The following SLC36A1 variants were observed in gnomAD, a reference collection of about 807,000 sequenced individuals.
The protein encoded by SLC36A1 is solute carrier family 36 member 1.
In SLC36A1, 30 loss-of-function variants were observed where a neutral mutation model predicts 47.5. That is an observed-to-expected ratio of 0.63 (90% confidence interval 0.47 to 0.86). SLC36A1 has a LOEUF of 0.86. Ranked by LOEUF, SLC36A1 falls within the 40% of genes least tolerant of loss-of-function variation. The pLI is 0.00. For synonymous variants in SLC36A1, 255 were observed against 249.7 expected, an observed-to-expected ratio of 1.02 and a Z score of -0.20; for missense variants, 517 against 606.0, an observed-to-expected ratio of 0.85 and a Z score of 1.54.
the SLC36A1 span, among the ~76,000 whole-genome samples, chr5:151,361,194 A>T: frequency 6.6e-6 from 1 of 152,186 alleles, no homozygotes; most frequent in Non-Finnish European, 1.5e-5. Context: ...TAGCACTGAC[A>T]ATACTTTCCA....
chr5:151,521,673 G>A, the SLC36A1 span: 13 of 1,613,960 alleles, frequency 8.1e-6, no homozygotes, highest in Middle Eastern at 1.6e-4. Context: ...CCAGCTCCTC[G>A]GGGGTGAGCT....
intron 7 of SLC36A1, among the ~76,000 whole-genome samples, chr5:151,471,135 C>G (rs1015692268): frequency 1.3e-5 from 2 of 152,160 alleles, no homozygotes; most frequent in African/African-American, 4.8e-5. Context: ...AACTGCAATA[C>G]ATTAAATGTA....
At chr5:151,526,983 A>C in the SLC36A1 span, among the ~76,000 whole-genome samples, 1 of 152,244 alleles carries the variant, frequency 6.6e-6, no homozygotes, top group African/African-American at 2.4e-5. Context: ...CTAAATCTGT[A>C]AAATGGGTAC....
chr5:151,530,486 T>C, the SLC36A1 span, among the ~76,000 whole-genome samples: 3 of 152,176 alleles, frequency 2.0e-5, no homozygotes, highest in Non-Finnish European at 4.4e-5. Flanking sequence ...GACTCAACTG[T>C]TTCATTAAAT....
the SLC36A1 span, among the ~76,000 whole-genome samples, chr5:151,365,365 T>C: frequency 5.9e-5 from 9 of 152,206 alleles, no homozygotes; most frequent in Admixed American, 4.6e-4. Flanking sequence ...AGGTGCCCAG[T>C]AATTGCAAAC....
the SLC36A1 span, among the ~76,000 whole-genome samples, chr5:151,506,638 C>G: frequency 0.15 from 22,505 of 152,236 alleles, 2,009 homozygotes; most frequent in Non-Finnish European, 0.21. Flanking sequence ...CCGTATTTGA[C>G]ACATAGTGAA....
chr5:151,379,947 G>A, the SLC36A1 span, among the ~76,000 whole-genome samples: 8 of 151,378 alleles, frequency 5.3e-5, no homozygotes, highest in Admixed American at 2.6e-4. Flanking sequence ...GTCTCTAATC[G>A]ATAATCTAAA....
At chr5:151,487,839 C>A in intron 10 of SLC36A1, 144 bp from the exon 11 acceptor site, 1 of 996,548 alleles carries the variant, frequency 1.0e-6, no homozygotes, top group Non-Finnish European at 1.5e-6. Context: ...ATCTATTTCA[C>A]AGAGATTGAA....
the SLC36A1 span, among the ~76,000 whole-genome samples, chr5:151,403,673 C>T: frequency 3.3e-5 from 5 of 152,204 alleles, no homozygotes; most frequent in Non-Finnish European, 5.9e-5. Context: ...TGGGCTAATA[C>T]ATTACCCAAA....
At chr5:151,464,866 C>T (rs1239803925) in intron 4 of SLC36A1, among the ~76,000 whole-genome samples, 4 of 152,168 alleles carry the variant, frequency 2.6e-5, no homozygotes, top group Non-Finnish European at 4.4e-5. Flanking sequence ...TGAAATGATT[C>T]TACCAGATGG....
At chr5:151,407,993 C>T in the SLC36A1 span, among the ~76,000 whole-genome samples, 7 of 152,148 alleles carry the variant, frequency 4.6e-5, no homozygotes, top group African/African-American at 7.2e-5. Context: ...GCTTTAAATG[C>T]GCTGTTTACT....
intron 10 of SLC36A1, among the ~76,000 whole-genome samples, chr5:151,487,118 AG>A (rs1198212368): frequency 6.6e-6 from 1 of 152,236 alleles, no homozygotes; most frequent in Non-Finnish European, 1.5e-5. Flanking sequence ...CTAGTTCCAG[AG>A]CCCACAGGCC....
intron 7 of SLC36A1, among the ~76,000 whole-genome samples, chr5:151,473,026 C>T (rs897146730): frequency 8.5e-5 from 13 of 152,138 alleles, no homozygotes; most frequent in Admixed American, 3.3e-4. Flanking sequence ...AAAAAATAGC[C>T]GAGTGTGGTG....
the SLC36A1 span, among the ~76,000 whole-genome samples, chr5:151,352,491 A>C: frequency 5.9e-5 from 9 of 152,338 alleles, no homozygotes; most frequent in East Asian, 1.5e-3. Flanking sequence ...CTGCTCTAAC[A>C]AATTGCCATA....
chr5:151,368,499 T>C, the SLC36A1 span, among the ~76,000 whole-genome samples: 1 of 152,252 alleles, frequency 6.6e-6, no homozygotes, highest in Non-Finnish European at 1.5e-5. Context: ...TCTGATCTCC[T>C]GTGCCACCAT....
At position 151,488,513 on chromosome 5, in the gene SLC36A1, T is replaced by C. The variant is rs1191555069; in HGVS notation, c.*259T>C. 1 of 496,214 alleles carries C rather than the reference T, an allele frequency of 2.0e-6. No homozygotes were observed. 30.7% of individuals were successfully genotyped at this position (496,214 alleles called of 1,614,324 possible). A position where few individuals can be genotyped will look rare whatever the true frequency, so the allele number is the denominator to read the frequency against. ...CTATTTACACCCAGAACTTTCCAGCTCCCCCTCATCATGCCTCCTCCTTCC... is the reference window on the plus strand; with the variant it reads ...CTATTTACACCCAGAACTTTCCAGCCCCCCCTCATCATGCCTCCTCCTTCC... On this transcript the variant is annotated 3_prime_UTR_variant, in exon 11 of 11. Transcript: ENST00000243389.
At chr5:151,379,866 T>C in the SLC36A1 span, among the ~76,000 whole-genome samples, 1 of 152,196 alleles carries the variant, frequency 6.6e-6, no homozygotes, top group African/African-American at 2.4e-5. Context: ...TCAATGTGGC[T>C]AGCAACTATA....
the SLC36A1 span, chr5:151,509,737 TGTA>T: frequency 3.2e-6 from 1 of 314,792 alleles, no homozygotes. Context: ...TATATTACAA[TGTA>T]ATAATAATAG....
chr5:151,386,039 CTT>C, the SLC36A1 span, among the ~76,000 whole-genome samples: 1 of 146,796 alleles, frequency 6.8e-6, no homozygotes, highest in African/African-American at 2.5e-5. Context: ...GTCTCGCTAA[CTT>C]TTTTTTTTTG....
Sources: allele counts gnomAD v4.1 joint callset (sites outside exome capture counted in the v4.1 genomes callset), GRCh38; gene constraint gnomAD v4.1.1; transcripts MANE v1.5; gene names NCBI Gene and HGNC (gene_info 2026-07-23, HGNC 2026-07-21).